Variants in COL4A3 observed in about 807,000 individuals in gnomAD.
COL4A3 encodes collagen type IV alpha 3 chain, also known as collagen alpha-3(IV) chain.
COL4A3 carries 135 observed loss-of-function variants against 217.4 expected under a neutral mutation model. The ratio of observed to expected loss-of-function variants is 0.62; its 90% CI spans 0.54 to 0.72. The LOEUF is 0.72. Among genes scored for constraint, COL4A3 ranks in the 30% least tolerant of loss-of-function variants. The pLI is 0.00. For missense variants in COL4A3, 1,868 were observed against 2,119.9 expected, an observed-to-expected ratio of 0.88 and a Z score of 2.33; for synonymous variants, 690 against 736.3, an observed-to-expected ratio of 0.94 and a Z score of 1.02.
At chr2:227,284,014 T>G (rs1015976230) in intron 33 of COL4A3, among the ~76,000 whole-genome samples, 158 bp downstream of exon 33, 1 of 152,256 alleles carries the variant, frequency 6.6e-6, no homozygotes, top group Non-Finnish European at 1.5e-5. Flanking sequence ...TCCATTTGAA[T>G]GGAATCCTGT....
intron 3 of COL4A3, among the ~76,000 whole-genome samples, chr2:227,242,869 T>C (rs921209965): frequency 1.3e-5 from 2 of 152,210 alleles, no homozygotes; most frequent in African/African-American, 4.8e-5. Context: ...AATCCTGCCA[T>C]TTCCCTGTCT....
chr2:227,217,307 C>G (rs1018428497), intron 1 of COL4A3, among the ~76,000 whole-genome samples: 1 of 152,252 alleles, frequency 6.6e-6, no homozygotes, highest in African/African-American at 2.4e-5. Flanking sequence ...AGCTACAATT[C>G]AAGATGAGAT....
chr2:227,257,507 A>T, intron 17 of COL4A3, 96 bp from the exon 18 acceptor site: 1 of 990,082 alleles, frequency 1.0e-6, no homozygotes. Flanking sequence ...ACATCTACAT[A>T]TCAATATATT....
chr2:227,222,010 A>G (rs530970212), intron 1 of COL4A3, among the ~76,000 whole-genome samples: 1 of 151,844 alleles, frequency 6.6e-6, no homozygotes, highest in South Asian at 2.1e-4. Flanking sequence ...AGCCAGGTGC[A>G]GTGGTGCACC....
intron 26 of COL4A3, among the ~76,000 whole-genome samples, chr2:227,274,220 G>A (rs1018276727): frequency 2.8e-4 from 31 of 109,240 alleles, no homozygotes; most frequent in African/African-American, 8.2e-4. Context: ...CTGGGCAACA[G>A]ATTGAGATAC....
Position 227,253,265 on chromosome 2 carries a change from G to A in COL4A3, c.646-31G>A. The stretch of plus-strand genomic sequence containing the variant: ...GACTATTTATTCATATTTATTTTTA[G>A]AAAATAATTTGGTTTTGTGTTTTCT... On this transcript the variant is annotated intron_variant, in intron 11 of 51. Transcript: ENST00000396578. The surrounding 1 kb of genome is among the most constrained non-coding windows in gnomAD (Gnocchi z 4.4). The A allele has an allele frequency of 1.3e-6, 2 of 1,589,430 alleles. No homozygotes were observed. The highest frequency in any genetic ancestry group is 2.2e-5 in the South Asian group (2 of 90,490).
chr2:227,190,977 A>G (rs771730257), intron 1 of COL4A3, among the ~76,000 whole-genome samples: 18 of 152,346 alleles, frequency 1.2e-4, no homozygotes, highest in Non-Finnish European at 2.1e-4. Context: ...TAAGGACAAT[A>G]TCATTAATGT....
chr2:227,164,962 C>G lies in COL4A3; in HGVS notation c.87+149C>G. 1.1e-5 allele frequency: 12 copies of G among 1,045,594 alleles called. No individual in the cohort carries two copies. Among genetic ancestry groups the G allele is most frequent in the Non-Finnish European group, 1.3e-5 (10 of 766,710 alleles). 64.8% of individuals were successfully genotyped at this position (1,045,594 alleles called of 1,614,324 possible). On this transcript the variant is annotated intron_variant, in intron 1 of 51. Coordinates refer to ENST00000396578, the MANE Select transcript of COL4A3 (RefSeq NM_000091.5). This position sits in a 1 kb window ranked among gnomAD's most constrained non-coding sequence, Gnocchi z 4.8. ...TGAGGGCTTCACGCAGGTCCCGGGACAGGCAGCGAGCGGAAGGGAGCAAGC... is the reference window on the plus strand; with the variant it reads ...TGAGGGCTTCACGCAGGTCCCGGGAGAGGCAGCGAGCGGAAGGGAGCAAGC...
At chr2:227,275,051 C>G (rs578238651) in intron 26 of COL4A3, among the ~76,000 whole-genome samples, 1 of 152,320 alleles carries the variant, frequency 6.6e-6, no homozygotes, top group African/African-American at 2.4e-5. Context: ...TGCTTTTATG[C>G]TACAATGGCA....
At chr2:227,193,635 C>G (rs956885858) in intron 1 of COL4A3, among the ~76,000 whole-genome samples, 2 of 151,542 alleles carry the variant, frequency 1.3e-5, no homozygotes, top group African/African-American at 4.9e-5. Flanking sequence ...TCTCTTGAAC[C>G]AGGGAGACTG....
Position 227,282,173 on chromosome 2 carries a change from G to C in COL4A3, c.2489-192G>C, listed in dbSNP as rs975411479. ...TGTAGTCCCAGCTATTTGGGAGGCT[G>C]ACGCAGGAGAATCACTTGAACCAGG... On this transcript the variant is annotated intron_variant, in intron 31 of 51. Transcript: ENST00000396578. The surrounding 1 kb of genome is among the most constrained non-coding windows in gnomAD (Gnocchi z 4.4). Among the ~76,000 whole-genome samples, 5 of 151,888 alleles carry C rather than the reference G, an allele frequency of 3.3e-5. No individual in the cohort carries two copies. The highest frequency in any genetic ancestry group is 3.3e-4 in the Admixed American group (5 of 15,252).
At chr2:227,276,534 T>A in intron 27 of COL4A3, 57 bp downstream of exon 27, 1 of 1,296,190 alleles carries the variant, frequency 7.7e-7, no homozygotes, top group Non-Finnish European at 1.1e-6. Context: ...ACACCCTGAC[T>A]CTCTTGGAAA....
At chr2:227,260,134 G>T in intron 19 of COL4A3, 1 of 628,626 alleles carries the variant, frequency 1.6e-6, no homozygotes, top group Non-Finnish European at 3.0e-6. Flanking sequence ...AACATTTGCT[G>T]GAGGGCAGGA....
intron 1 of COL4A3, among the ~76,000 whole-genome samples, chr2:227,214,972 A>G (rs1023624656): frequency 6.6e-6 from 1 of 152,210 alleles, no homozygotes; most frequent in Non-Finnish European, 1.5e-5. Context: ...TTGTCTTCAG[A>G]CTGACTCATT....
chr2:227,280,904 C>A lies in COL4A3; in HGVS notation c.2386C>A (p.Gln796Lys). Residue 796 changes from glutamine (Q) to lysine (K), a missense_variant, in exon 31 of 52, where the codon CAG becomes AAG. Physicochemically the swap from Gln to Lys is moderately conservative, Grantham distance 53 (BLOSUM62 1). Transcript: ENST00000396578. ...GCTTTCTTTTGCAGGAGATCCAGGG[C>A]AGCCTGGACCACCTGGAGAACAAGG... ...GLDGPRGDPG[Q>K]PGPPGEQGPP... The A allele has an allele frequency of 6.4e-7, 1 of 1,555,914 alleles. No homozygotes were observed. Among genetic ancestry groups the A allele is most frequent in the Non-Finnish European group, 8.7e-7 (1 of 1,149,052 alleles).
intron 1 of COL4A3, among the ~76,000 whole-genome samples, chr2:227,167,319 A>G (rs2065313791): frequency 6.6e-6 from 1 of 152,240 alleles, no homozygotes; most frequent in South Asian, 2.1e-4. Flanking sequence ...CTGTCCACCC[A>G]CACAATTTGG....
intron 16 of COL4A3, 96 bp from the exon 17 acceptor site, chr2:227,256,247 T>C (rs536437332): frequency 7.4e-6 from 9 of 1,211,358 alleles, no homozygotes; most frequent in Middle Eastern, 2.0e-4. Context: ...TCTGAGCACA[T>C]TCTTTTGTTT....
intron 1 of COL4A3, among the ~76,000 whole-genome samples, chr2:227,202,735 T>TTAAAAA (rs774121334): frequency 2.3e-3 from 101 of 44,604 alleles, no homozygotes; most frequent in African/African-American, 0.01. Flanking sequence ...AATCCGTCTC[T>TTAAAAA]AAAAAAAAAA....
intron 1 of COL4A3, among the ~76,000 whole-genome samples, chr2:227,215,883 A>T (rs1434425881): frequency 6.6e-6 from 1 of 152,128 alleles, no homozygotes; most frequent in Non-Finnish European, 1.5e-5. Context: ...GATATTAAAA[A>T]TTTTCCTTAG....
Sources: gnomAD v4.1 joint callset for allele counts (sites outside exome capture counted in the v4.1 genomes callset) on GRCh38, gnomAD v4.1.1 for gene constraint, Gnocchi (gnomAD v3.1) non-coding constraint, MANE v1.5 for transcripts, NCBI Gene and HGNC (gene_info 2026-07-23, HGNC 2026-07-21) for gene names.